SELENON: variants seen among roughly 807,000 people sequenced by gnomAD.
The protein encoded by SELENON is selenoprotein N, also known as selenoprotein N, 1.
Under a neutral mutation model 59.5 loss-of-function variants are expected in SELENON, and 44 were observed. The ratio of observed to expected loss-of-function variants is 0.74; its 90% CI spans 0.58 to 0.95. The LOEUF (loss-of-function observed/expected upper bound fraction) is 0.95. SELENON is among the 40% of genes least tolerant of loss of function. SELENON has a pLI of 0.00. For synonymous variants in SELENON, 320 were observed against 305.6 expected, an observed-to-expected ratio of 1.05 and a Z score of -0.49; for missense variants, 674 against 721.4, an observed-to-expected ratio of 0.93 and a Z score of 0.75.
intron 12 of SELENON, 75 bp from the exon 12 acceptor site, chr1:25,815,473 C>A: frequency 7.9e-7 from 1 of 1,269,320 alleles, no homozygotes. Context: ...CCCTGCTTCT[C>A]CCCATAGAAG....
rs116931343 is a variant in SELENON at position 25,815,762 on chromosome 1, G to T, written c.*44G>T. ...GATGCACAGGCCCCCACGCCTCAGA[G>T]CCAGAGTGGTCCTCAGCCCATTTCA... On this transcript the variant is annotated 3_prime_UTR_variant, in exon 13 of 13. Coordinates refer to ENST00000361547, the MANE Select transcript of SELENON (RefSeq NM_020451.3). 1.3e-3 allele frequency: 2,022 copies of T among 1,603,776 alleles called. 14 individuals are homozygous for T. Among genetic ancestry groups the T allele is most frequent in the East Asian group, 0.01 (465 of 44,836 alleles).
intron 3 of SELENON, among the ~76,000 whole-genome samples, chr1:25,804,599 C>T (rs556092966): frequency 2.0e-5 from 3 of 150,356 alleles, no homozygotes; most frequent in Admixed American, 1.3e-4. Flanking sequence ...AATCCAGCCA[C>T]ACTGCCAGTC....
At chr1:25,812,517 A>C (rs2047971712) in intron 9 of SELENON, among the ~76,000 whole-genome samples, 170 bp from the exon 9 acceptor site, 1 of 151,372 alleles carries the variant, frequency 6.6e-6, no homozygotes, top group African/African-American at 2.4e-5. Flanking sequence ...ACACATACAA[A>C]TGTACATATA....
At chr1:25,809,285 T>A in intron 6 of SELENON, 135 bp downstream of exon 5, 2 of 1,353,760 alleles carry the variant, frequency 1.5e-6, no homozygotes, top group Non-Finnish European at 2.0e-6. Flanking sequence ...GCTTTGGCTC[T>A]CTGAGCCTCA....
intron 3 of SELENON, among the ~76,000 whole-genome samples, chr1:25,802,528 G>T (rs758139306): frequency 5.3e-5 from 8 of 151,878 alleles, no homozygotes; most frequent in Non-Finnish European, 1.0e-4. Context: ...GGCTGATTTT[G>T]TATTTTTAGT....
In SELENON at chr1:25,815,797, T is replaced by A; in HGVS notation, c.*79T>A. ...TCCTCAGCCCATTTCAGACTGCAGA[T>A]GCCGCCCACTCCCACCCCACTCCTA... On this transcript the variant is annotated 3_prime_UTR_variant, in exon 13 of 13. Coordinates refer to ENST00000361547, the MANE Select transcript of SELENON (RefSeq NM_020451.3). The A allele has an allele frequency of 6.8e-7, 1 of 1,468,664 alleles. No homozygotes were observed. Among genetic ancestry groups the A allele is most frequent in the South Asian group, 1.2e-5 (1 of 86,804 alleles). 91.0% of individuals were successfully genotyped at this position (1,468,664 alleles called of 1,614,324 possible).
At chr1:25,812,529 A>C (rs1012273571) in intron 9 of SELENON, among the ~76,000 whole-genome samples, 158 bp from the exon 9 acceptor site, 6 of 145,950 alleles carry the variant, frequency 4.1e-5, no homozygotes, top group African/African-American at 1.7e-4. Context: ...GTACATATAC[A>C]CAGACATACA....
chr1:25,811,198 G>T (rs1475306997), intron 7 of SELENON, among the ~76,000 whole-genome samples: 1 of 152,200 alleles, frequency 6.6e-6, no homozygotes, highest in Non-Finnish European at 1.5e-5. Context: ...GGCTGTGCAG[G>T]CCCTTTGTGA....
intron 10 of SELENON, among the ~76,000 whole-genome samples, chr1:25,813,407 C>T (rs2047983550): frequency 6.6e-6 from 1 of 152,206 alleles, no homozygotes; most frequent in African/African-American, 2.4e-5. Flanking sequence ...AAGGCAGACA[C>T]CAAATGAGTC....
chr1:25,800,905 GCA>G, intron 1 of SELENON, 136 bp from the exon 2 acceptor site: 1 of 789,014 alleles, frequency 1.3e-6, no homozygotes, highest in African/African-American at 1.7e-5. Context: ...GGCAACATTT[GCA>G]CAGATGGACC....
rs2047987259 is a variant in SELENON, at chr1:25,813,881, G to A, written c.1388G>A (p.Gly463Asp). Residue 463 changes from glycine to aspartate, a missense_variant and splice_region_variant, in exon 11 of 13, where the codon GGT becomes GAT. Gly to Asp is a moderately conservative substitution (Grantham distance 94). Transcript: ENST00000361547. ...CTCACCCTTCTGTCTTCCTGAACAGGTTCAGGGCGGACTCTCCGGGAGACT... is the reference window on the plus strand; with the variant it reads ...CTCACCCTTCTGTCTTCCTGAACAGATTCAGGGCGGACTCTCCGGGAGACT... 6.2e-7 allele frequency: 1 copy of A among 1,613,650 alleles called. No individual in the cohort carries two copies. The highest frequency in any genetic ancestry group is 1.1e-5 in the South Asian group (1 of 91,082).
intron 7 of SELENON, among the ~76,000 whole-genome samples, chr1:25,810,480 C>T (rs187328664): frequency 2.6e-5 from 4 of 152,190 alleles, no homozygotes; most frequent in South Asian, 4.1e-4. Flanking sequence ...CCTGAGTGAC[C>T]GCTCTACAGG....
chr1:25,809,288 G>A, intron 6 of SELENON, 138 bp downstream of exon 5: 3 of 1,340,146 alleles, frequency 2.2e-6, no homozygotes, highest in Non-Finnish European at 3.1e-6. Context: ...TTGGCTCTCT[G>A]AGCCTCAGTT....
At chr1:25,801,386 G>A (rs1457961590) in intron 2 of SELENON, among the ~76,000 whole-genome samples, 4 of 152,186 alleles carry the variant, frequency 2.6e-5, no homozygotes, top group Non-Finnish European at 4.4e-5. Context: ...AACATTCTTT[G>A]GTCTGCGAGG....
intron 3 of SELENON, among the ~76,000 whole-genome samples, chr1:25,803,139 C>CT (rs2047874105): frequency 6.6e-6 from 1 of 152,182 alleles, no homozygotes; most frequent in Non-Finnish European, 1.5e-5. Flanking sequence ...AACAGGTCGT[C>CT]CCCTTGTGGC....
chr1:25,802,770 C>T (rs757672645), intron 3 of SELENON, among the ~76,000 whole-genome samples: 2 of 152,218 alleles, frequency 1.3e-5, no homozygotes, highest in East Asian at 1.9e-4. Flanking sequence ...ACGCTTCTCT[C>T]GCTGCCCCAC....
rs980132149 is a variant in SELENON at position 25,813,697 on chromosome 1, G to A, written c.1388-184G>A. 4 of 655,394 alleles carry A rather than the reference G, an allele frequency of 6.1e-6. No individual in the cohort carries two copies. The African/African-American group carries it at 7.2e-5, about 12-fold the overall frequency. 40.6% of individuals were successfully genotyped at this position (655,394 alleles called of 1,614,324 possible). On this transcript the variant is annotated intron_variant, in intron 10 of 12. Transcript: ENST00000361547. ...CCTAACCCTAATCTCAGCCCAGGATGCTGGTATATTATTGATGTTAATTCC... is the reference window on the plus strand; with the variant it reads ...CCTAACCCTAATCTCAGCCCAGGATACTGGTATATTATTGATGTTAATTCC...
intron 4 of SELENON, among the ~76,000 whole-genome samples, chr1:25,808,212 G>C (rs536310529): frequency 6.6e-6 from 1 of 152,342 alleles, no homozygotes; most frequent in East Asian, 1.9e-4. Flanking sequence ...TTATGCATAG[G>C]ATGGAGGTGG....
chr1:25,813,834 C>A, intron 10 of SELENON, 47 bp from the exon 10 acceptor site: 1 of 1,477,100 alleles, frequency 6.8e-7, no homozygotes. Context: ...CAAGATTGCA[C>A]CCCAGCAAGA....
Sources: allele counts gnomAD v4.1 joint callset (sites outside exome capture counted in the v4.1 genomes callset), GRCh38; gene constraint gnomAD v4.1.1; transcripts MANE v1.5; gene names NCBI Gene and HGNC (gene_info 2026-07-23, HGNC 2026-07-21).